The following SLC9C2 variants were observed in gnomAD, a reference collection of about 807,000 sequenced individuals.
SLC9C2 encodes the protein solute carrier family 9 member C2 (putative).
A neutral mutation model predicts 140.2 loss-of-function variants in SLC9C2; 75 were observed. That is an observed-to-expected ratio of 0.53 (90% CI 0.44 to 0.65). The LOEUF (loss-of-function observed/expected upper bound fraction) is 0.65, where lower values mean the gene tolerates loss of function less well. SLC9C2 is among the 30% of genes least tolerant of loss of function. The probability of loss-of-function intolerance (pLI) is 0.00; values close to 1 mark genes in which losing one functional copy is unlikely to be tolerated. For synonymous variants in SLC9C2, 375 were observed against 420.9 expected, an observed-to-expected ratio of 0.89 and a Z score of 1.34; for missense variants, 1,074 against 1,331.8, an observed-to-expected ratio of 0.81 and a Z score of 3.01.
chr1:173,600,817 G>A (rs1285736068), intron 2 of SLC9C2, among the ~76,000 whole-genome samples: 3 of 152,200 alleles, frequency 2.0e-5, no homozygotes, highest in South Asian at 2.1e-4. Flanking sequence ...TCATTAGTGA[G>A]TATATTAAAG....
intron 27 of SLC9C2, among the ~76,000 whole-genome samples, chr1:173,501,682 TG>T (rs1659285185): frequency 1.3e-5 from 2 of 151,898 alleles, no homozygotes; most frequent in Non-Finnish European, 2.9e-5. Flanking sequence ...AGCTAATTTT[TG>T]GTGGTGTGAG....
intron 23 of SLC9C2, among the ~76,000 whole-genome samples, chr1:173,516,181 G>T (rs1186564272): frequency 3.9e-5 from 6 of 152,162 alleles, no homozygotes; most frequent in African/African-American, 1.4e-4. Context: ...GAACCACTTT[G>T]TCCCTTGGTC....
At chr1:173,554,284 G>A (rs951778673) in intron 11 of SLC9C2, among the ~76,000 whole-genome samples, 1 of 152,184 alleles carries the variant, frequency 6.6e-6, no homozygotes, top group African/African-American at 2.4e-5. Flanking sequence ...GATACATACA[G>A]AGGGAGGCTG....
At chr1:173,530,084 C>A (rs760313773) in intron 17 of SLC9C2, 30 bp from the exon 18 acceptor site, 4 of 1,564,250 alleles carry the variant, frequency 2.6e-6, no homozygotes, top group African/African-American at 2.8e-5. Context: ...AAAAAAAAAC[C>A]TGTACATTTG....
rs1473215258 is a variant in SLC9C2 at position 173,524,913 on chromosome 1, C to T, written c.2380G>A (p.Glu794Lys). The T allele has an allele frequency of 2.5e-6, 4 of 1,613,948 alleles. No homozygotes were observed. In the African/African-American group the frequency reaches 5.3e-5, roughly 22 times the overall value. ...AVKELVLMEH[E>K]GRDVVIALKT... ...AAAGCAATGACAACATCACGACCCTCATGCTCCATGAGTACTACAGCAAAG... is the reference window on the plus strand; with the variant it reads ...AAAGCAATGACAACATCACGACCCTTATGCTCCATGAGTACTACAGCAAAG... The change falls in exon 20 of 28, where the codon GAG (glutamate) becomes AAG (lysine). Residue 794 changes from glutamate (E) to lysine (K), a missense_variant. Physicochemically the swap from Glu to Lys is moderately conservative, Grantham distance 56. Coordinates refer to ENST00000367714, the MANE Select transcript of SLC9C2 (RefSeq NM_178527.4).
intron 23 of SLC9C2, 145 bp from the exon 24 acceptor site, chr1:173,509,844 T>G: frequency 1.2e-6 from 1 of 831,882 alleles, no homozygotes; most frequent in Non-Finnish European, 1.8e-6. Context: ...TTAGAAGCAT[T>G]TGTATTGTGA....
At chr1:173,532,771 G>A (rs1241323937) in intron 17 of SLC9C2, among the ~76,000 whole-genome samples, 2 of 152,154 alleles carry the variant, frequency 1.3e-5, no homozygotes, top group African/African-American at 4.8e-5. Context: ...AACAGGCCGA[G>A]TATGGTGGTT....
chr1:173,507,692 A>G (rs764469302), intron 24 of SLC9C2, among the ~76,000 whole-genome samples: 1 of 152,164 alleles, frequency 6.6e-6, no homozygotes, highest in Non-Finnish European at 1.5e-5. Context: ...AAAAAGGGGA[A>G]ACTTGGACGC....
intron 13 of SLC9C2, 32 bp from the exon 14 acceptor site, chr1:173,537,071 A>T: frequency 6.5e-7 from 1 of 1,526,846 alleles, no homozygotes; most frequent in Non-Finnish European, 9.1e-7. Flanking sequence ...ATTACAAAAG[A>T]TCAAAACATA....
At chr1:173,546,503 C>A (rs1213485463) in intron 13 of SLC9C2, among the ~76,000 whole-genome samples, 2 of 152,198 alleles carry the variant, frequency 1.3e-5, no homozygotes, top group East Asian at 3.8e-4. Context: ...ATCTCTTGAA[C>A]CCAGGAGGTG....
rs1471263058 is a variant in SLC9C2 at position 173,500,569 on chromosome 1, C to T, written c.*525G>A. 2 of 152,132 alleles carry T rather than the reference C, an allele frequency of 1.3e-5. No homozygotes were observed. Among genetic ancestry groups the T allele is most frequent in the East Asian group, 1.9e-4 (1 of 5,200 alleles). The allele number at this position is 152,132 out of a possible 1,614,324, so 9.4% of individuals were successfully genotyped here. A position where few individuals can be genotyped will look rare whatever the true frequency, so the allele number is the denominator to read the frequency against. Reference sequence around the variant, plus strand: ...GAATATTAATTTCTCCTAAATTTCACTGAAAGCAAAAGTTACTTACTTACT... The same window carrying T: ...GAATATTAATTTCTCCTAAATTTCATTGAAAGCAAAAGTTACTTACTTACT... On this transcript the variant is annotated 3_prime_UTR_variant, in exon 28 of 28. Coordinates refer to ENST00000367714, the MANE Select transcript of SLC9C2 (RefSeq NM_178527.4).
chr1:173,575,821 G>A (rs1393727446), intron 8 of SLC9C2, among the ~76,000 whole-genome samples: 7 of 151,974 alleles, frequency 4.6e-5, no homozygotes, highest in African/African-American at 1.7e-4. Context: ...CTCGTGATCC[G>A]CCTGCCTCGG....
At chr1:173,515,593 T>A (rs529568792) in intron 23 of SLC9C2, among the ~76,000 whole-genome samples, 1 of 152,314 alleles carries the variant, frequency 6.6e-6, no homozygotes, top group Non-Finnish European at 1.5e-5. Flanking sequence ...CTTCTTTAGA[T>A]TCGGTTTGAA....
At chr1:173,516,517 G>C (rs892849453) in intron 23 of SLC9C2, among the ~76,000 whole-genome samples, 2 of 151,994 alleles carry the variant, frequency 1.3e-5, no homozygotes, top group Non-Finnish European at 2.9e-5. Context: ...CTCTGTGTCT[G>C]TGTGTTCTCA....
chr1:173,509,260 A>G (rs1659867704), intron 24 of SLC9C2, among the ~76,000 whole-genome samples: 1 of 152,080 alleles, frequency 6.6e-6, no homozygotes, highest in African/African-American at 2.4e-5. Context: ...CCTGGCCAAC[A>G]TGGTGAAATC....
At chr1:173,508,515 T>C (rs1659809287) in intron 24 of SLC9C2, among the ~76,000 whole-genome samples, 1 of 142,580 alleles carries the variant, frequency 7.0e-6, no homozygotes, top group Non-Finnish European at 1.5e-5. Flanking sequence ...GTCCCACTTC[T>C]CATGAAGATG....
Position 173,524,780 on chromosome 1 carries a change from T to C in SLC9C2, c.2513A>G (p.Lys838Arg). The change falls in exon 20 of 28, where the codon AAG (lysine) becomes AGG (arginine). Residue 838 changes from lysine (K) to arginine (R), a missense_variant and splice_region_variant. Physicochemically the swap from Lys to Arg is conservative, Grantham distance 26. Coordinates refer to ENST00000367714, the MANE Select transcript of SLC9C2 (RefSeq NM_178527.4). ...IDKHEVIEINKVLLKKLKALN... is the reference protein window; with the variant it reads ...IDKHEVIEINRVLLKKLKALN... The stretch of plus-strand genomic sequence containing the variant: ...GCGGACAGAATCAAGCAAAATTACC[T>C]TATTTATCTCAATGACTTCATGCTT... 6.2e-7 allele frequency: 1 copy of C among 1,613,716 alleles called. No homozygotes were observed. Among genetic ancestry groups the C allele is most frequent in the South Asian group, 1.1e-5 (1 of 91,044 alleles).
chr1:173,563,938 A>G (rs768502426), intron 9 of SLC9C2, among the ~76,000 whole-genome samples: 27 of 152,168 alleles, frequency 1.8e-4, no homozygotes, highest in Non-Finnish European at 3.4e-4. Flanking sequence ...TCCCACAAAT[A>G]AGTGAAAACA....
intron 15 of SLC9C2, among the ~76,000 whole-genome samples, chr1:173,535,465 A>C (rs1661877978): frequency 6.6e-6 from 1 of 152,238 alleles, no homozygotes; most frequent in Admixed American, 6.5e-5. Context: ...ATCACACAAT[A>C]GAACAGATGA....
Sources: gnomAD v4.1 joint callset for allele counts (sites outside exome capture counted in the v4.1 genomes callset) on GRCh38, gnomAD v4.1.1 for gene constraint, MANE v1.5 for transcripts, NCBI Gene and HGNC (gene_info 2026-07-23, HGNC 2026-07-21) for gene names.